CPA5: variants seen among roughly 807,000 people sequenced by gnomAD.
CPA5 encodes the protein testicular tissue protein Li 32.
In CPA5, 38 loss-of-function variants were observed where a neutral mutation model predicts 52.2. The observed-to-expected ratio is 0.73, with a 90% CI of 0.56 to 0.95. The LOEUF (loss-of-function observed/expected upper bound fraction) is 0.95. CPA5 is among the 40% of genes least tolerant of loss of function. The pLI is 0.00. For missense variants in CPA5, 519 were observed against 566.7 expected (o/e 0.92, Z 0.86); for synonymous variants, 198 against 213.7 (o/e 0.93, Z 0.64).
chr7:130,368,034 C>T (rs1796196921), intron 12 of CPA5, 44 bp downstream of exon 12: 1 of 1,554,468 alleles, frequency 6.4e-7, no homozygotes, highest in African/African-American at 1.4e-5. Flanking sequence ...CCACATCTAC[C>T]TGGGGCTGGC....
intron 10 of CPA5, among the ~76,000 whole-genome samples, chr7:130,364,704 AC>A (rs1795978882): frequency 6.6e-6 from 1 of 152,162 alleles, no homozygotes; most frequent in Admixed American, 6.5e-5. Flanking sequence ...TTACTTTATG[AC>A]CCTGGTGCAT....
chr7:130,370,042 G>A (rs141864708), downstream of CPA5, among the ~76,000 whole-genome samples: 440 of 152,384 alleles, frequency 2.9e-3, 2 homozygotes, highest in Non-Finnish European at 5.2e-3. Flanking sequence ...CCATGGGGCT[G>A]GTGCAGCTGT....
chr7:130,346,245 T>TG (rs1183335608), intron 2 of CPA5, 148 bp from the exon 3 acceptor site: 5 of 364,288 alleles, frequency 1.4e-5, no homozygotes, highest in African/African-American at 1.2e-4. Flanking sequence ...AAAGAAAAGC[T>TG]AAGGCCTGTC....
At chr7:130,364,872 G>C (rs1016447893) in intron 10 of CPA5, among the ~76,000 whole-genome samples, 1 of 152,168 alleles carries the variant, frequency 6.6e-6, no homozygotes, top group Non-Finnish European at 1.5e-5. Flanking sequence ...ATGGACCCTG[G>C]AAATACAGCA....
intron 5 of CPA5, among the ~76,000 whole-genome samples, chr7:130,358,909 C>A (rs1795639150): frequency 6.6e-6 from 1 of 152,220 alleles, no homozygotes; most frequent in African/African-American, 2.4e-5. Flanking sequence ...CACGTTGATA[C>A]CCAAGGACAT....
chr7:130,373,987 G>A, the CPA5 span, among the ~76,000 whole-genome samples: 438 of 150,910 alleles, frequency 2.9e-3, 1 homozygote, highest in African/African-American at 9.6e-3. Context: ...TCCGGACGCC[G>A]CCCCCACCCC....
chr7:130,367,266 T>C (rs1796140892), intron 10 of CPA5, 106 bp from the exon 11 acceptor site: 2 of 970,798 alleles, frequency 2.1e-6, no homozygotes, highest in Non-Finnish European at 1.6e-6. Flanking sequence ...TCAGTCATAC[T>C]GCAAAGGAGG....
At position 130,359,628 on chromosome 7, in the gene CPA5, C is replaced by A; in HGVS notation, c.373C>A (p.Arg125Ser). ...DEERQAMAKS[R>S]RLERSTNSFS... The stretch of plus-strand genomic sequence containing the variant: ...GGAAAGACAGGCCATGGCGAAATCC[C>A]GCCGGCTGGAGCGCAGCACCAACAG... Residue 125 changes from arginine (R) to serine (S), a missense_variant, in exon 6 of 13, where the codon CGC (arginine) becomes AGC (serine). By Grantham distance (110) the Arg-to-Ser change is moderately radical. Transcript: ENST00000474905. 1.3e-6 allele frequency: 2 copies of A among 1,580,512 alleles called. No individual in the cohort carries two copies. The highest frequency in any genetic ancestry group is 2.3e-5 in the East Asian group (1 of 43,596).
At chr7:130,360,787 C>T (rs1241698668) in intron 6 of CPA5, among the ~76,000 whole-genome samples, 3 of 152,160 alleles carry the variant, frequency 2.0e-5, no homozygotes, top group African/African-American at 4.8e-5. Context: ...ATCTGTCAAA[C>T]GGATTGAATG....
chr7:130,367,297 C>T, intron 10 of CPA5, 75 bp from the exon 11 acceptor site: 1 of 1,309,940 alleles, frequency 7.6e-7, no homozygotes. Flanking sequence ...TAGGGGAACA[C>T]ACAGGTATTT....
intron 10 of CPA5, among the ~76,000 whole-genome samples, chr7:130,364,715 T>C (rs936464451): frequency 1.3e-5 from 2 of 152,246 alleles, no homozygotes; most frequent in East Asian, 3.8e-4. Flanking sequence ...CCCTGGTGCA[T>C]ACCTGCAGAG....
rs2117468420 is a variant in CPA5, at chr7:130,367,523, G to A, written c.990G>A (p.Met330Ile). 3.1e-6 allele frequency: 5 copies of A among 1,614,112 alleles called. No homozygotes were observed. The highest frequency in any genetic ancestry group is 4.2e-6 in the Non-Finnish European group (5 of 1,180,028). ...TCCACAGCTACTCTCAGATGCTTAT[G>A]TACCCTTACGGCCGATTGCTGGAGC... ...ISIHSYSQMLMYPYGRLLEPV... is the reference protein window; with the variant it reads ...ISIHSYSQMLIYPYGRLLEPV... Residue 330 changes from methionine (M) to isoleucine (I), a missense_variant, in exon 11 of 13, where the codon ATG (methionine) becomes ATA (isoleucine). Transcript: ENST00000474905.
Position 130,344,912 on chromosome 7 carries a change from T to G in CPA5, c.-445T>G, listed in dbSNP as rs1554401664. The G allele has an allele frequency of 6.6e-6, 1 of 152,194 alleles. No homozygotes were observed. The highest frequency in any genetic ancestry group is 6.5e-5 in the Admixed American group (1 of 15,286). 9.4% of individuals were successfully genotyped at this position (152,194 alleles called of 1,614,324 possible). ...AAGTACAGGGATAGTTGTCTCATCA[T>G]TGGTGGCTTAAAATGATGTTTTTGA... On this transcript the variant is annotated 5_prime_UTR_variant, in exon 1 of 13. Coordinates refer to ENST00000474905, the MANE Select transcript of CPA5 (RefSeq NM_080385.5).
In CPA5 at chr7:130,346,477, G is replaced by A. The variant is rs1554402153; in HGVS notation, c.-9G>A. The A allele has an allele frequency of 6.2e-7, 1 of 1,604,088 alleles. No homozygotes were observed. On this transcript the variant is annotated 5_prime_UTR_variant, in exon 3 of 13. Coordinates refer to ENST00000474905, the MANE Select transcript of CPA5 (RefSeq NM_080385.5). ...GGAAAGCCCCTGAAGCTCACCAGGA[G>A]GAAGAAGCATGCAGGGCACCCCTGG...
chr7:130,361,109 T>G (rs1312207605), intron 6 of CPA5, 34 bp from the exon 7 acceptor site: 4 of 1,399,280 alleles, frequency 2.9e-6, no homozygotes, highest in Non-Finnish European at 4.1e-6. Flanking sequence ...TCTTCCTGCT[T>G]AACTGCCAAT....
rs1796238534 is a variant in CPA5 at position 130,368,699 on chromosome 7, C to G, written c.*102C>G. ...CCCATCCCCATGCCCTCATCCCGAC[C>G]TCTTAGAAAATAAATACAAGTTTGA... On this transcript the variant is annotated 3_prime_UTR_variant, in exon 13 of 13. Transcript: ENST00000474905. The G allele has an allele frequency of 8.2e-7, 1 of 1,223,524 alleles. No homozygotes were observed. The highest frequency in any genetic ancestry group is 2.1e-5 in the Admixed American group (1 of 46,634). The allele number at this position is 1,223,524 out of a possible 1,614,324, so 75.8% of individuals were successfully genotyped here.
intron 4 of CPA5, among the ~76,000 whole-genome samples, chr7:130,349,380 G>A (rs1584790186): frequency 1.3e-5 from 2 of 152,178 alleles, no homozygotes; most frequent in East Asian, 1.9e-4. Flanking sequence ...ATTGCGGTGA[G>A]CTGAGATCAT....
At position 130,363,016 on chromosome 7, in the gene CPA5, G is replaced by A. The variant is rs372566253; in HGVS notation, c.747+22G>A. 92 of 1,410,660 alleles carry A rather than the reference G, an allele frequency of 6.5e-5. No homozygotes were observed. The African/African-American group carries it at 1.0e-3, about 15-fold the overall frequency. The allele number at this position is 1,410,660 out of a possible 1,614,324, so 87.4% of individuals were successfully genotyped here. On this transcript the variant is annotated intron_variant, in intron 9 of 12. Transcript: ENST00000474905. ...CATGGTGAGGGAACCTGGGAAGGATGGAAGGAGGGGGTCAGCTCTAGGGGG... is the reference window on the plus strand; with the variant it reads ...CATGGTGAGGGAACCTGGGAAGGATAGAAGGAGGGGGTCAGCTCTAGGGGG...
intron 11 of CPA5, 48 bp from the exon 12 acceptor site, chr7:130,367,858 G>A (rs782694925): frequency 1.3e-6 from 2 of 1,510,872 alleles, no homozygotes; most frequent in Non-Finnish European, 1.8e-6. Context: ...GAGTGTGTGG[G>A]AGCCCCGGGG....
Sources: gnomAD v4.1 joint callset for allele counts (sites outside exome capture counted in the v4.1 genomes callset) on GRCh38, gnomAD v4.1.1 for gene constraint, MANE v1.5 for transcripts, NCBI Gene and HGNC (gene_info 2026-07-23, HGNC 2026-07-21) for gene names.